The following ST6GALNAC5 variants were observed in gnomAD, a reference collection of about 807,000 sequenced individuals.
ST6GALNAC5 encodes ST6 N-acetylgalactosaminide alpha-2,6-sialyltransferase 5.
ST6GALNAC5 carries 27 observed loss-of-function variants against 33.6 expected under a neutral mutation model. The observed-to-expected ratio is 0.80, with a 90% CI of 0.59 to 1.11. The LOEUF is 1.11. Ranked by LOEUF, ST6GALNAC5 falls within the 50% of genes least tolerant of loss-of-function variation. The pLI, the probability that ST6GALNAC5 is intolerant of heterozygous loss-of-function variation, is 0.00. For synonymous variants in ST6GALNAC5, 194 were observed against 171.2 expected (o/e 1.13, Z -1.04); for missense variants, 428 against 454.0 (o/e 0.94, Z 0.52).
chr1:76,984,268 G>A (rs1308037464), intron 2 of ST6GALNAC5, among the ~76,000 whole-genome samples: 1 of 152,112 alleles, frequency 6.6e-6, no homozygotes. Flanking sequence ...CTGCTAGCAA[G>A]ACTAATAAAG....
intron 2 of ST6GALNAC5, among the ~76,000 whole-genome samples, chr1:76,937,670 G>A (rs1393948206): frequency 1.3e-5 from 2 of 152,046 alleles, no homozygotes; most frequent in African/African-American, 2.4e-5. Flanking sequence ...TGTTAGGACC[G>A]TGAGAAAAAC....
intron 2 of ST6GALNAC5, among the ~76,000 whole-genome samples, chr1:76,957,138 A>T (rs1648034085): frequency 6.6e-6 from 1 of 152,166 alleles, no homozygotes; most frequent in Admixed American, 6.6e-5. Context: ...AGACTGGGTA[A>T]CTTAAAACAA....
At chr1:76,959,876 C>T (rs1262292963) in intron 2 of ST6GALNAC5, among the ~76,000 whole-genome samples, 1 of 152,166 alleles carries the variant, frequency 6.6e-6, no homozygotes, top group African/African-American at 2.4e-5. Flanking sequence ...ACAATTCAGT[C>T]ACCTTTGAAA....
intron 2 of ST6GALNAC5, among the ~76,000 whole-genome samples, chr1:76,886,577 T>C (rs1653900589): frequency 6.6e-6 from 1 of 152,204 alleles, no homozygotes; most frequent in East Asian, 1.9e-4. Flanking sequence ...AAGCTCTTTA[T>C]AAAATCAACT....
intron 2 of ST6GALNAC5, among the ~76,000 whole-genome samples, chr1:77,034,034 G>A (rs143662197): frequency 5.3e-5 from 8 of 152,224 alleles, no homozygotes; most frequent in African/African-American, 1.4e-4. Flanking sequence ...AGAGGGTAGC[G>A]ACCTTGTTGG....
Position 77,065,466 on chromosome 1 carries a change from G to T in ST6GALNAC5, c.*2260G>T, listed in dbSNP as rs1652743213. ...GAAAATCATGGCTTCACTGGGAAATGTTTTAAATCTACATGTAGCTAGGAT... is the reference window on the plus strand; with the variant it reads ...GAAAATCATGGCTTCACTGGGAAATTTTTTAAATCTACATGTAGCTAGGAT... On this transcript the variant is annotated 3_prime_UTR_variant, in exon 5 of 5. Transcript: ENST00000477717. The T allele has an allele frequency of 6.6e-6, 1 of 152,158 alleles. No individual in the cohort carries two copies. The highest frequency in any genetic ancestry group is 1.5e-5 in the Non-Finnish European group (1 of 68,022). 9.4% of individuals were successfully genotyped at this position (152,158 alleles called of 1,614,324 possible).
At chr1:76,899,036 G>A (rs1445280475) in intron 2 of ST6GALNAC5, among the ~76,000 whole-genome samples, 1 of 152,178 alleles carries the variant, frequency 6.6e-6, no homozygotes, top group African/African-American at 2.4e-5. Flanking sequence ...AGGCACCTCA[G>A]ACCGTTTGCC....
At chr1:77,061,805 A>G (rs199721) in intron 4 of ST6GALNAC5, among the ~76,000 whole-genome samples, 58,616 of 151,974 alleles carry the variant, frequency 0.39, 12,131 homozygotes, top group African/African-American at 0.54. Flanking sequence ...TGTTAATCCT[A>G]TGCACACCAT....
chr1:77,049,506 A>G (rs769806061), intron 3 of ST6GALNAC5, among the ~76,000 whole-genome samples: 22 of 152,206 alleles, frequency 1.4e-4, no homozygotes, highest in Non-Finnish European at 2.6e-4. Flanking sequence ...CCTAAGGTGT[A>G]GCATATGGTA....
At chr1:76,971,363 G>T (rs887873392) in intron 2 of ST6GALNAC5, among the ~76,000 whole-genome samples, 9 of 152,168 alleles carry the variant, frequency 5.9e-5, no homozygotes, top group African/African-American at 2.2e-4. Flanking sequence ...TACGGGCCCA[G>T]AGCGAGGAGA....
intron 2 of ST6GALNAC5, among the ~76,000 whole-genome samples, chr1:76,948,616 A>AGAGG (rs139953953): frequency 2.0e-5 from 3 of 150,504 alleles, no homozygotes; most frequent in African/African-American, 5.0e-5. Context: ...AGAGAGAGAG[A>AGAGG]GAGAGAGAGA....
intron 4 of ST6GALNAC5, among the ~76,000 whole-genome samples, chr1:77,061,814 A>G (rs1440786399): frequency 2.6e-5 from 4 of 152,168 alleles, no homozygotes; most frequent in African/African-American, 9.7e-5. Flanking sequence ...TATGCACACC[A>G]TCTTGAAGAA....
At position 76,937,701 on chromosome 1, in the gene ST6GALNAC5, C is replaced by T. The variant is rs138630395; in HGVS notation, c.261+68959C>T. Among the ~76,000 whole-genome samples, 127 of 152,210 alleles carry T rather than the reference C, an allele frequency of 8.3e-4. 2 individuals carry two copies. Among genetic ancestry groups the T allele is most frequent in the African/African-American group, 2.9e-3 (119 of 41,556 alleles). ...AAAACCACTGTGAACCTGTACCTCA[C>T]ACTGATGTTAGCCCCATTGTTACCA... On this transcript the variant is annotated intron_variant, in intron 2 of 4. Transcript: ENST00000477717.
intron 2 of ST6GALNAC5, among the ~76,000 whole-genome samples, chr1:76,869,577 T>C (rs769161375): frequency 6.6e-6 from 1 of 152,222 alleles, no homozygotes; most frequent in Non-Finnish European, 1.5e-5. Context: ...ATCTGCTTTA[T>C]AAAGCTAGAG....
chr1:76,949,842 C>A (rs10493599), intron 2 of ST6GALNAC5, among the ~76,000 whole-genome samples: 2,458 of 152,216 alleles, frequency 0.016, 64 homozygotes, highest in African/African-American at 0.057. Flanking sequence ...AAGGCAATAA[C>A]CCTTTTTTAG....
intron 4 of ST6GALNAC5, among the ~76,000 whole-genome samples, chr1:77,062,579 TG>T (rs1179538634): frequency 1.3e-5 from 2 of 152,150 alleles, no homozygotes; most frequent in African/African-American, 4.8e-5. Flanking sequence ...TCTGTATAAC[TG>T]GAAGCCTCTG....
rs755746515 is a variant in ST6GALNAC5, at chr1:77,062,975, G to A, written c.780G>A (p.Arg260=). 1.9e-6 allele frequency: 3 copies of A among 1,610,802 alleles called. No individual in the cohort carries two copies. Among genetic ancestry groups the A allele is most frequent in the Non-Finnish European group, 1.7e-6 (2 of 1,177,570 alleles). The change falls in exon 5 of 5, where the codon AGG becomes AGA. Residue 260 remains arginine (R), a splice_region_variant and synonymous_variant. Coordinates refer to ENST00000477717, the MANE Select transcript of ST6GALNAC5 (RefSeq NM_030965.3). ...CAGTTATCTCAATTTCCTCCTACAG[G>A]GATCCCAATCACCCTTCAGTACCTT... ...VYGMVPPDFC[R]DPNHPSVPYH...
chr1:77,037,207 T>C (rs1350302104), intron 2 of ST6GALNAC5, among the ~76,000 whole-genome samples: 1 of 152,174 alleles, frequency 6.6e-6, no homozygotes, highest in African/African-American at 2.4e-5. Context: ...TTTCATGGAA[T>C]AGTATACAGC....
At chr1:76,971,899 AATGAAAAGTCCTT>A (rs1648772899) in intron 2 of ST6GALNAC5, among the ~76,000 whole-genome samples, 1 of 152,186 alleles carries the variant, frequency 6.6e-6, no homozygotes, top group South Asian at 2.1e-4. Flanking sequence ...AACATCATAC[AATGAAAAGTCCTT>A]TTCCTGCTTT....
Sources: gnomAD v4.1 joint callset for allele counts (sites outside exome capture counted in the v4.1 genomes callset) on GRCh38, gnomAD v4.1.1 for gene constraint, MANE v1.5 for transcripts, NCBI Gene and HGNC (gene_info 2026-07-23, HGNC 2026-07-21) for gene names.